The following TEX36 variants were observed in gnomAD, a reference collection of about 807,000 sequenced individuals.
TEX36 encodes the protein testis-expressed protein 36.
TEX36 carries 12 observed loss-of-function variants against 13.6 expected under a neutral mutation model. That is an observed-to-expected ratio of 0.88 (90% CI 0.56 to 1.43). The LOEUF (loss-of-function observed/expected upper bound fraction) is 1.43. Ranked by LOEUF, TEX36 falls within the 40% of genes most tolerant of loss-of-function variation. The pLI is 0.00. For missense variants in TEX36, 224 were observed against 228.3 expected (o/e 0.98, Z 0.12); for synonymous variants, 93 against 83.0 (o/e 1.12, Z -0.65).
downstream of TEX36, among the ~76,000 whole-genome samples, chr10:125,618,342 CT>C (rs1846384247): frequency 6.8e-6 from 1 of 148,112 alleles, no homozygotes; most frequent in South Asian, 2.1e-4. Flanking sequence ...AACTGCGTTC[CT>C]TTGGAGGAGG....
intron 1 of TEX36, among the ~76,000 whole-genome samples, 194 bp from the exon 2 acceptor site, chr10:125,662,171 T>C (rs1847055724): frequency 1.3e-5 from 2 of 152,242 alleles, no homozygotes; most frequent in Admixed American, 6.5e-5. Context: ...GAGCCATCAC[T>C]GCCGGTTGTT....
chr10:125,655,862 C>T lies in TEX36; in HGVS notation c.*38G>A, dbSNP rs1259651128. ...TACTTTTAGGATGTCTGATGAAATA[C>T]CAGTATTACAAAATTCATCAAAAAT... On this transcript the variant is annotated 3_prime_UTR_variant, in exon 4 of 4. Coordinates refer to ENST00000368821, the MANE Select transcript of TEX36 (RefSeq NM_001128202.3). 4 of 1,447,198 alleles carry T rather than the reference C, an allele frequency of 2.8e-6. No individual in the cohort carries two copies. The allele number at this position is 1,447,198 out of a possible 1,614,324, so 89.6% of individuals were successfully genotyped here. A position where few individuals can be genotyped will look rare whatever the true frequency, so the allele number is the denominator to read the frequency against.
At chr10:125,662,247 G>T (rs1847057026) in intron 1 of TEX36, among the ~76,000 whole-genome samples, 1 of 152,176 alleles carries the variant, frequency 6.6e-6, no homozygotes, top group South Asian at 2.1e-4. Context: ...TGGTAAGGAG[G>T]GTGTGGTCCT....
chr10:125,623,906 A>T (rs1453941647), intron 3 of TEX36, among the ~76,000 whole-genome samples: 1 of 152,234 alleles, frequency 6.6e-6, no homozygotes, highest in Non-Finnish European at 1.5e-5. Context: ...GGCATGGGAC[A>T]TAGTAACAGG....
chr10:125,646,217 TTG>T (rs1846766204), intron 3 of TEX36, among the ~76,000 whole-genome samples: 1 of 152,110 alleles, frequency 6.6e-6, no homozygotes, highest in Non-Finnish European at 1.5e-5. Flanking sequence ...TTCCAGCTAC[TTG>T]GGAGGCTGAG....
downstream of TEX36, chr10:125,621,559 G>A (rs1846429601): frequency 2.2e-6 from 1 of 455,574 alleles, no homozygotes; most frequent in Non-Finnish European, 4.4e-6. Flanking sequence ...GAACTAATAG[G>A]ATATATGTAT....
intron 1 of TEX36, among the ~76,000 whole-genome samples, chr10:125,676,745 G>T (rs562851884): frequency 6.6e-6 from 1 of 152,164 alleles, no homozygotes; most frequent in South Asian, 2.1e-4. Context: ...GATTTCTGTA[G>T]TGGTACAATT....
chr10:125,618,942 T>TAAAAAAAAAAAAAAAAA (rs11452140), downstream of TEX36, among the ~76,000 whole-genome samples: 2 of 43,584 alleles, frequency 4.6e-5, no homozygotes, highest in African/African-American at 2.0e-4. Context: ...CCGTCTCTAC[T>TAAAAAAAAAAAAAAAAA]AAAAAAAAAA....
intron 3 of TEX36, among the ~76,000 whole-genome samples, chr10:125,614,092 T>C (rs1326091174): frequency 6.6e-6 from 1 of 152,370 alleles, no homozygotes; most frequent in East Asian, 1.9e-4. Context: ...TTGAGAAGTG[T>C]TTGTTCATGT....
chr10:125,671,668 C>A (rs1847232529), intron 1 of TEX36, among the ~76,000 whole-genome samples: 2 of 152,160 alleles, frequency 1.3e-5, no homozygotes, highest in African/African-American at 4.8e-5. Context: ...GAAGAAGTAC[C>A]TCCTTTTCAA....
At chr10:125,656,659 T>G (rs2133591041) in intron 3 of TEX36, among the ~76,000 whole-genome samples, 1 of 152,268 alleles carries the variant, frequency 6.6e-6, no homozygotes, top group South Asian at 2.1e-4. Flanking sequence ...TTTAACAACC[T>G]GTTGAAGGTT....
At chr10:125,669,069 G>C (rs755250507) in intron 1 of TEX36, among the ~76,000 whole-genome samples, 5 of 152,076 alleles carry the variant, frequency 3.3e-5, no homozygotes, top group Admixed American at 6.6e-5. Flanking sequence ...GAGGCAGGCA[G>C]ATCACGAGGT....
At chr10:125,653,298 T>C (rs1324937157), downstream of TEX36, among the ~76,000 whole-genome samples, 1 of 152,128 alleles carries the variant, frequency 6.6e-6, no homozygotes, top group Non-Finnish European at 1.5e-5. Context: ...CATGGAATAC[T>C]ATGCAGCCAT....
At chr10:125,649,397 A>C (rs909203957) in intron 3 of TEX36, among the ~76,000 whole-genome samples, 1 of 152,224 alleles carries the variant, frequency 6.6e-6, no homozygotes. Context: ...CATCCAGCCA[A>C]ACTAAGCTTC....
At chr10:125,625,382 G>A (rs1846474787) in intron 3 of TEX36, among the ~76,000 whole-genome samples, 1 of 152,238 alleles carries the variant, frequency 6.6e-6, no homozygotes, top group Non-Finnish European at 1.5e-5. Context: ...GGCCATTAAA[G>A]GGTTTGAGTA....
intron 3 of TEX36, among the ~76,000 whole-genome samples, chr10:125,588,078 G>A (rs950806062): frequency 3.3e-5 from 5 of 152,124 alleles, no homozygotes; most frequent in South Asian, 2.1e-4. Flanking sequence ...CAAAAACAGC[G>A]GTAACTTTGT....
intron 1 of TEX36, among the ~76,000 whole-genome samples, chr10:125,673,540 G>A (rs572312400): frequency 3.7e-4 from 56 of 151,822 alleles, no homozygotes; most frequent in African/African-American, 1.1e-3. Context: ...GTGAAACCCC[G>A]TCTCTGCTAT....
chr10:125,675,934 C>T (rs1049715366), intron 1 of TEX36, among the ~76,000 whole-genome samples: 2 of 152,164 alleles, frequency 1.3e-5, no homozygotes, highest in African/African-American at 4.8e-5. Context: ...TTCCAAAGTT[C>T]CTCCTGGTAT....
intron 1 of TEX36, chr10:125,666,911 A>G: frequency 2.0e-6 from 1 of 506,774 alleles, no homozygotes; most frequent in South Asian, 2.1e-5. Context: ...GGGACTCTCT[A>G]GCAGCAGCCC....
Sources: gnomAD v4.1 joint callset for allele counts (sites outside exome capture counted in the v4.1 genomes callset) on GRCh38, gnomAD v4.1.1 for gene constraint, MANE v1.5 for transcripts, NCBI Gene and HGNC (gene_info 2026-07-23, HGNC 2026-07-21) for gene names.